The following ADGRV1 variants were observed in gnomAD, a reference collection of about 807,000 sequenced individuals.
ADGRV1 encodes G-protein coupled receptor 98.
Under a neutral mutation model 596.2 loss-of-function variants are expected in ADGRV1, and 359 were observed. The observed-to-expected ratio is 0.60, with a 90% confidence interval of 0.55 to 0.66. The LOEUF is 0.66. ADGRV1 is among the 30% of genes least tolerant of loss of function. ADGRV1 has a pLI of 0.00. For synonymous variants in ADGRV1, 2,681 were observed against 2,679.2 expected (o/e 1.00, Z -0.02); for missense variants, 7,274 against 7,575.6 (o/e 0.96, Z 1.48).
At chr5:90,933,513 G>A (rs1407398101) in intron 83 of ADGRV1, among the ~76,000 whole-genome samples, 1 of 152,166 alleles carries the variant, frequency 6.6e-6, no homozygotes, top group African/African-American at 2.4e-5. Flanking sequence ...GTGAGGGGGA[G>A]TGGTGGGAGA....
chr5:91,150,004 CTTTTCTTTTT>C lies in ADGRV1; in HGVS notation c.18433-21_18433-12del, dbSNP rs2126892515. ...CTGATGTTCTTTTTCTTTTTCTTTT[CTTTTCTTTTT>C]TTTTTTTTTTTGCAGGGACTTTATG... On this transcript the variant is annotated splice_polypyrimidine_tract_variant and intron_variant, in intron 87 of 89. Transcript: ENST00000405460. 1 of 1,393,004 alleles carries C rather than the reference CTTTTCTTTTT, an allele frequency of 7.2e-7. No individual in the cohort carries two copies. 86.3% of individuals were successfully genotyped at this position (1,393,004 alleles called of 1,614,324 possible).
chr5:91,103,906 C>T (rs927437236), intron 87 of ADGRV1, among the ~76,000 whole-genome samples: 2 of 151,998 alleles, frequency 1.3e-5, no homozygotes, highest in Admixed American at 6.6e-5. Context: ...GATTAAGCAA[C>T]GTGTTGAGAA....
At chr5:91,126,885 G>A (rs914417423) in intron 87 of ADGRV1, among the ~76,000 whole-genome samples, 29 of 152,220 alleles carry the variant, frequency 1.9e-4, no homozygotes, top group African/African-American at 1.7e-4. Flanking sequence ...TGCCTCTCTC[G>A]GAGGCAGCAA....
At chr5:90,718,854 C>A (rs963055239) in intron 43 of ADGRV1, among the ~76,000 whole-genome samples, 1 of 150,222 alleles carries the variant, frequency 6.7e-6, no homozygotes, top group Non-Finnish European at 1.5e-5. Flanking sequence ...ATATACTTTT[C>A]TTTTTATTAG....
chr5:90,988,675 T>C (rs1780699199), intron 85 of ADGRV1, among the ~76,000 whole-genome samples: 1 of 152,236 alleles, frequency 6.6e-6, no homozygotes, highest in East Asian at 1.9e-4. Context: ...AGTTTTAGGG[T>C]ACATGTGCAC....
chr5:90,742,056 A>G (rs1754025578), intron 50 of ADGRV1, among the ~76,000 whole-genome samples: 1 of 152,184 alleles, frequency 6.6e-6, no homozygotes. Context: ...TTAGTAGTTA[A>G]TAGATATTTT....
chr5:90,823,704 T>C, intron 76 of ADGRV1, 108 bp downstream of exon 76: 1 of 987,720 alleles, frequency 1.0e-6, no homozygotes, highest in Admixed American at 2.5e-5. Flanking sequence ...GGGAGATTCT[T>C]TGTGTTTTTC....
chr5:90,688,996 C>T (rs1430147471), intron 29 of ADGRV1, among the ~76,000 whole-genome samples: 1 of 152,072 alleles, frequency 6.6e-6, no homozygotes, highest in Non-Finnish European at 1.5e-5. Flanking sequence ...AAGAAGACTG[C>T]CTACTTTGAT....
intron 67 of ADGRV1, among the ~76,000 whole-genome samples, chr5:90,786,843 T>G (rs1759504206): frequency 6.6e-6 from 1 of 152,162 alleles, no homozygotes; most frequent in East Asian, 1.9e-4. Context: ...GAGATACTAC[T>G]GACATCCCAG....
intron 83 of ADGRV1, among the ~76,000 whole-genome samples, chr5:90,940,803 A>G (rs1776109500): frequency 2.0e-5 from 3 of 148,140 alleles, no homozygotes; most frequent in Admixed American, 6.7e-5. Flanking sequence ...AGGAGCATTC[A>G]CACTCAGAGG....
intron 79 of ADGRV1, among the ~76,000 whole-genome samples, chr5:90,849,798 T>C (rs1029408993): frequency 2.0e-5 from 3 of 152,196 alleles, no homozygotes; most frequent in African/African-American, 7.2e-5. Flanking sequence ...ACAAATGATA[T>C]TAATTATACC....
intron 1 of ADGRV1, among the ~76,000 whole-genome samples, chr5:90,562,663 ATTCAT>A (rs933477494): frequency 2.0e-5 from 3 of 152,106 alleles, no homozygotes; most frequent in Non-Finnish European, 2.9e-5. Flanking sequence ...GGCATTTCTC[ATTCAT>A]TTATTCAGGA....
intron 89 of ADGRV1, among the ~76,000 whole-genome samples, chr5:91,161,732 T>C (rs1346751079): frequency 1.3e-5 from 2 of 152,198 alleles, no homozygotes; most frequent in Non-Finnish European, 2.9e-5. Context: ...CATCAAAACC[T>C]GGGCAGTGTG....
chr5:90,576,575 C>G (rs943880589), intron 1 of ADGRV1, among the ~76,000 whole-genome samples: 1 of 152,096 alleles, frequency 6.6e-6, no homozygotes, highest in African/African-American at 2.4e-5. Flanking sequence ...AACAAAAATA[C>G]GTGTGCATGT....
At chr5:90,813,132 C>CAAAAAA (rs5869522) in intron 74 of ADGRV1, among the ~76,000 whole-genome samples, 410 of 34,916 alleles carry the variant, frequency 0.012, 85 homozygotes, top group African/African-American at 0.023. Context: ...GACTCCGTCT[C>CAAAAAA]AAAAAAAAAA....
intron 85 of ADGRV1, among the ~76,000 whole-genome samples, chr5:91,027,119 G>C: frequency 7.0e-6 from 1 of 143,588 alleles, no homozygotes; most frequent in Non-Finnish European, 1.5e-5. Flanking sequence ...TCTAGCCTGG[G>C]CAACAGAGCA....
At chr5:91,017,658 T>A (rs1446882943) in intron 85 of ADGRV1, among the ~76,000 whole-genome samples, 2 of 151,930 alleles carry the variant, frequency 1.3e-5, no homozygotes, top group Non-Finnish European at 2.9e-5. Flanking sequence ...TGTTGTTAAG[T>A]AGAGTTATAA....
At chr5:90,641,915 T>C (rs1020096637) in intron 11 of ADGRV1, among the ~76,000 whole-genome samples, 5 of 152,174 alleles carry the variant, frequency 3.3e-5, no homozygotes, top group African/African-American at 4.8e-5. Context: ...TTAAAAAACA[T>C]GTTGTTTTAA....
chr5:90,853,120 C>T (rs773746583), intron 79 of ADGRV1, among the ~76,000 whole-genome samples, 164 bp from the exon 80 acceptor site: 2 of 152,050 alleles, frequency 1.3e-5, no homozygotes, highest in African/African-American at 2.4e-5. Flanking sequence ...GACAATTATC[C>T]ACAAAAGAAC....
Sources: allele counts gnomAD v4.1 joint callset (sites outside exome capture counted in the v4.1 genomes callset), GRCh38; gene constraint gnomAD v4.1.1; transcripts MANE v1.5; gene names NCBI Gene and HGNC (gene_info 2026-07-23, HGNC 2026-07-21).